The following FREM2 variants were observed in gnomAD, a reference collection of about 807,000 sequenced individuals.
FREM2 encodes FRAS1 related extracellular matrix 2.
Under a neutral mutation model 219.9 loss-of-function variants are expected in FREM2, and 119 were observed. The ratio of observed to expected loss-of-function variants is 0.54; its 90% CI spans 0.47 to 0.63. The LOEUF (loss-of-function observed/expected upper bound fraction) is 0.63, where lower values mean the gene tolerates loss of function less well. Ranked by LOEUF, FREM2 falls within the 30% of genes least tolerant of loss-of-function variation. The pLI, the probability that FREM2 is intolerant of heterozygous loss-of-function variation, is 0.00. For synonymous variants in FREM2, 1,562 were observed against 1,522.8 expected (o/e 1.03, Z -0.60); for missense variants, 4,030 against 3,993.6 (o/e 1.01, Z -0.25).
At chr13:38,796,721 A>G (rs1277860983) in intron 6 of FREM2, among the ~76,000 whole-genome samples, 3 of 152,206 alleles carry the variant, frequency 2.0e-5, no homozygotes, top group African/African-American at 7.2e-5. Flanking sequence ...TAGTGCTGCA[A>G]TGAACACACA....
At chr13:38,784,878 A>C in intron 6 of FREM2, 70 bp downstream of exon 6, 1 of 1,492,938 alleles carries the variant, frequency 6.7e-7, no homozygotes. Context: ...TTCTAGACAG[A>C]AAAAATGGGA....
intron 2 of FREM2, among the ~76,000 whole-genome samples, chr13:38,755,946 C>T: frequency 6.6e-6 from 1 of 152,352 alleles, no homozygotes. Flanking sequence ...CCTTCACCCC[C>T]AAGCCACAGC....
chr13:38,850,097 G>T lies in FREM2; in HGVS notation c.6439G>T (p.Val2147Phe), dbSNP rs772742143. 2 of 1,614,088 alleles carry T rather than the reference G, an allele frequency of 1.2e-6. No homozygotes were observed. The highest frequency in any genetic ancestry group is 3.3e-5 in the Admixed American group (2 of 60,028). ...YTGSESDGQIVTMIHRTGDVQ... is the reference protein window; with the variant it reads ...YTGSESDGQIFTMIHRTGDVQ... ...TGGCAGCGAAAGTGATGGGCAGATA[G>T]TTACAATGATCCATAGGACTGGGGA... Residue 2147 changes from valine (V) to phenylalanine (F), a missense_variant, in exon 9 of 24, where the codon GTT (valine) becomes TTT (phenylalanine). Transcript: ENST00000280481.
chr13:38,846,923 G>T (rs1877179781), intron 7 of FREM2, among the ~76,000 whole-genome samples: 2 of 152,090 alleles, frequency 1.3e-5, no homozygotes, highest in Admixed American at 6.6e-5. Flanking sequence ...CCATGAATCA[G>T]AAACTAGGTT....
chr13:38,859,690 C>G lies in FREM2; in HGVS notation c.7519+100C>G. On this transcript the variant is annotated intron_variant, in intron 14 of 23. Transcript: ENST00000280481. ...TAATACTTCCAATGTCCCACATATT[C>G]CATATATTTTGTAAGTAGTGAAAAA... The G allele has an allele frequency of 3.5e-6, 4 of 1,127,050 alleles. No homozygotes were observed. The South Asian group carries it at 4.0e-5, about 11-fold the overall frequency. 69.8% of individuals were successfully genotyped at this position (1,127,050 alleles called of 1,614,324 possible). A position where few individuals can be genotyped will look rare whatever the true frequency, so the allele number is the denominator to read the frequency against.
chr13:38,755,792 C>T (rs1274371221), intron 2 of FREM2, among the ~76,000 whole-genome samples: 2 of 152,204 alleles, frequency 1.3e-5, no homozygotes, highest in African/African-American at 4.8e-5. Flanking sequence ...AATGAATTAT[C>T]CTAAAATTGT....
Position 38,848,677 on chromosome 13 carries a change from G to A in FREM2, c.6379+7G>A, listed in dbSNP as rs2137909047. 3 of 1,603,656 alleles carry A rather than the reference G, an allele frequency of 1.9e-6. No individual in the cohort carries two copies. Among genetic ancestry groups the A allele is most frequent in the Non-Finnish European group, 2.6e-6 (3 of 1,171,100 alleles). On this transcript the variant is annotated splice_region_variant and intron_variant, in intron 8 of 23. Transcript: ENST00000280481. ...AATGACTCTGTCTCCGATTGTGAGT[G>A]TTTATTAATTTTATAATTTACAATG...
chr13:38,785,526 A>C (rs1874290723), intron 6 of FREM2, among the ~76,000 whole-genome samples: 1 of 152,198 alleles, frequency 6.6e-6, no homozygotes, highest in South Asian at 2.1e-4. Context: ...TTCCCCCTTG[A>C]AATTTTCCTC....
chr13:38,757,197 AC>A (rs1873045769), intron 2 of FREM2, among the ~76,000 whole-genome samples: 2 of 152,324 alleles, frequency 1.3e-5, no homozygotes, highest in African/African-American at 4.8e-5. Flanking sequence ...TTATATACCC[AC>A]ATTATATACC....
intron 1 of FREM2, among the ~76,000 whole-genome samples, chr13:38,695,189 A>T (rs1393032984): frequency 2.6e-5 from 4 of 152,210 alleles, no homozygotes; most frequent in Non-Finnish European, 5.9e-5. Context: ...ATTTATATAT[A>T]CATAAATATG....
chr13:38,730,626 C>T (rs564150442), intron 2 of FREM2, among the ~76,000 whole-genome samples: 14 of 152,326 alleles, frequency 9.2e-5, no homozygotes, highest in African/African-American at 2.6e-4. Flanking sequence ...TCAGGCAGCT[C>T]ACCCTCACTC....
intron 6 of FREM2, among the ~76,000 whole-genome samples, chr13:38,836,833 C>A (rs140486551): frequency 6.6e-6 from 1 of 152,088 alleles, no homozygotes; most frequent in East Asian, 1.9e-4. Flanking sequence ...ATTCTTCTCT[C>A]TTTTCTTCTT....
chr13:38,700,251 C>T (rs925323636), intron 2 of FREM2, among the ~76,000 whole-genome samples: 9 of 152,022 alleles, frequency 5.9e-5, no homozygotes, highest in African/African-American at 1.9e-4. Context: ...GAATCTGGCT[C>T]GCCACAGGAT....
At chr13:38,853,580 A>T (rs1159888795) in intron 11 of FREM2, among the ~76,000 whole-genome samples, 1 of 152,214 alleles carries the variant, frequency 6.6e-6, no homozygotes, top group Non-Finnish European at 1.5e-5. Flanking sequence ...TCACTGAATC[A>T]GTAATAAAGT....
At chr13:38,863,469 GTTAT>G (rs1277815666) in intron 15 of FREM2, among the ~76,000 whole-genome samples, 4 of 152,050 alleles carry the variant, frequency 2.6e-5, no homozygotes, top group African/African-American at 9.7e-5. Context: ...CTGAGGAATT[GTTAT>G]TTATTCACTT....
At chr13:38,796,843 T>C (rs1346649260) in intron 6 of FREM2, among the ~76,000 whole-genome samples, 1 of 151,884 alleles carries the variant, frequency 6.6e-6, no homozygotes, top group African/African-American at 2.4e-5. Flanking sequence ...AAAATTTTTA[T>C]ACTGTTTTTT....
At chr13:38,785,038 C>T (rs1392041573) in intron 6 of FREM2, among the ~76,000 whole-genome samples, 1 of 152,164 alleles carries the variant, frequency 6.6e-6, no homozygotes, top group African/African-American at 2.4e-5. Flanking sequence ...TTTTCCGCTG[C>T]GCCGTTTCTT....
chr13:38,803,585 A>T (rs981974469), intron 6 of FREM2, among the ~76,000 whole-genome samples: 7 of 151,924 alleles, frequency 4.6e-5, no homozygotes, highest in African/African-American at 1.7e-4. Flanking sequence ...TAGGGTCAGT[A>T]TTAAGTCAGT....
chr13:38,787,885 G>C (rs1874396592), intron 6 of FREM2, among the ~76,000 whole-genome samples: 1 of 151,902 alleles, frequency 6.6e-6, no homozygotes, highest in African/African-American at 2.4e-5. Context: ...AAAAGAGGAG[G>C]AACAAAGGAG....
Sources: allele counts gnomAD v4.1 joint callset (sites outside exome capture counted in the v4.1 genomes callset), GRCh38; gene constraint gnomAD v4.1.1; transcripts MANE v1.5; gene names NCBI Gene and HGNC (gene_info 2026-07-23, HGNC 2026-07-21).